Variants in FKBP5 observed in about 807,000 individuals in gnomAD.
The protein encoded by FKBP5 is FKBP prolyl isomerase 5.
A neutral mutation model predicts 50.5 loss-of-function variants in FKBP5; 23 were observed. The observed-to-expected ratio is 0.46, with a 90% CI of 0.33 to 0.65. The LOEUF is 0.65. Ranked by LOEUF, FKBP5 falls within the 30% of genes least tolerant of loss-of-function variation. The probability of loss-of-function intolerance (pLI) is 0.02; values close to 1 mark genes in which losing one functional copy is unlikely to be tolerated. For synonymous variants in FKBP5, 176 were observed against 190.6 expected (o/e 0.92, Z 0.63); for missense variants, 411 against 553.1 (o/e 0.74, Z 2.58).
intron 5 of FKBP5, among the ~76,000 whole-genome samples, chr6:35,618,108 G>A (rs1347502855): frequency 6.6e-6 from 1 of 152,100 alleles, no homozygotes; most frequent in Non-Finnish European, 1.5e-5. Flanking sequence ...TGTAACCCTG[G>A]GCAATTTATT....
intron 1 of FKBP5, among the ~76,000 whole-genome samples, chr6:35,679,405 G>C: frequency 6.6e-6 from 1 of 152,122 alleles, no homozygotes; most frequent in East Asian, 1.9e-4. Flanking sequence ...AGGGGAAAAG[G>C]CCTATTCTGT....
At chr6:35,591,320 C>T in intron 6 of FKBP5, 100 bp from the exon 7 acceptor site, 1 of 742,106 alleles carries the variant, frequency 1.3e-6, no homozygotes, top group South Asian at 1.7e-5. Context: ...CATTTGCAAG[C>T]TACATGTGTC....
At chr6:35,584,007 A>G (rs969513239) in intron 8 of FKBP5, 1 of 985,438 alleles carries the variant, frequency 1.0e-6, no homozygotes, top group African/African-American at 1.7e-5. Context: ...AGGGGGCGCA[A>G]GAATCCCACA....
intron 2 of FKBP5, among the ~76,000 whole-genome samples, chr6:35,639,850 A>G (rs922288920): frequency 6.6e-6 from 1 of 152,224 alleles, no homozygotes; most frequent in African/African-American, 2.4e-5. Context: ...AAAACTCAGC[A>G]TCCTGGTAAT....
chr6:35,668,070 C>T (rs2151003159), intron 1 of FKBP5, among the ~76,000 whole-genome samples: 1 of 152,294 alleles, frequency 6.6e-6, no homozygotes, highest in South Asian at 2.1e-4. Context: ...ATTTTCTTCA[C>T]TAATTTAATT....
intron 1 of FKBP5, among the ~76,000 whole-genome samples, chr6:35,644,904 T>C (rs915515235): frequency 1.3e-5 from 2 of 152,130 alleles, no homozygotes; most frequent in African/African-American, 2.4e-5. Flanking sequence ...GATGCTGACA[T>C]CCATCAATAG....
At position 35,674,655 on chromosome 6, in the gene FKBP5, C is replaced by T. The variant is rs78196957; in HGVS notation, c.-20+14149G>A. 5.0e-3 allele frequency among the ~76,000 whole-genome samples: 759 copies of T among 152,320 alleles called. 15 individuals are homozygous for T. The East Asian group carries it at 0.064, about 13-fold the overall frequency. ...TTGCGGAACCATTCTAAGTGTTTTA[C>T]ATGTATTAACTCATTTAATTCTCTC... On this transcript the variant is annotated intron_variant, in intron 1 of 10. Coordinates refer to ENST00000357266, the MANE Select transcript of FKBP5 (RefSeq NM_004117.4).
At chr6:35,591,369 AC>A (rs943205481) in intron 6 of FKBP5, 149 bp from the exon 7 acceptor site, 24 of 580,548 alleles carry the variant, frequency 4.1e-5, no homozygotes, top group Non-Finnish European at 6.1e-5. Flanking sequence ...ACCAGAAGAT[AC>A]AGTGTGAAGT....
intron 5 of FKBP5, among the ~76,000 whole-genome samples, chr6:35,618,299 G>C (rs1427320216): frequency 6.6e-6 from 1 of 152,156 alleles, no homozygotes; most frequent in Non-Finnish European, 1.5e-5. Context: ...GTTTGTAGAG[G>C]CTGGTAGCAT....
Position 35,722,344 on chromosome 6 carries a change from A to G in FKBP5, c.-240-1796T>C, listed in dbSNP as rs796787379. ...ATGAATGAATGAATGAGCTTTGGAAATAGCATTATATTTAAGTGACTAACT... is the reference window on the plus strand; with the variant it reads ...ATGAATGAATGAATGAGCTTTGGAAGTAGCATTATATTTAAGTGACTAACT... On this transcript the variant is annotated intron_variant, in intron 1 of 11. Transcript: ENST00000536438. 2.0e-5 allele frequency among the ~76,000 whole-genome samples: 3 copies of G among 152,328 alleles called. 1 individual carries two copies. Among genetic ancestry groups the G allele is most frequent in the African/African-American group, 7.2e-5 (3 of 41,568 alleles).
At chr6:35,589,129 T>TATA (rs879865924) in intron 7 of FKBP5, among the ~76,000 whole-genome samples, 1,135 of 102,096 alleles carry the variant, frequency 0.011, 15 homozygotes, top group African/African-American at 0.017. Context: ...TATATATATA[T>TATA]TTTTTTTTTT....
At chr6:35,579,164 ACTCTCTCT>A (rs111398353) in intron 9 of FKBP5, among the ~76,000 whole-genome samples, 2 of 148,020 alleles carry the variant, frequency 1.4e-5, no homozygotes, top group Admixed American at 6.8e-5. Context: ...GCGCGCACAC[ACTCTCTCT>A]CTCTCTCTCT....
At chr6:35,651,817 C>A in intron 1 of FKBP5, 1 of 439,946 alleles carries the variant, frequency 2.3e-6, no homozygotes, top group South Asian at 3.6e-5. Context: ...ATTAAAAATA[C>A]TGTATACTAC....
chr6:35,623,065 A>T lies in FKBP5; in HGVS notation c.251-2791T>A, dbSNP rs1037376928. Reference sequence around the variant, plus strand: ...AAACCATCCTGGCTCACACGGTGAAACCCCATCTCCACTAAAAATACAAAA... The same window carrying T: ...AAACCATCCTGGCTCACACGGTGAATCCCCATCTCCACTAAAAATACAAAA... On this transcript the variant is annotated intron_variant, in intron 3 of 10. Coordinates refer to ENST00000357266, the MANE Select transcript of FKBP5 (RefSeq NM_004117.4). Among the ~76,000 whole-genome samples, 8 of 151,666 alleles carry T rather than the reference A, an allele frequency of 5.3e-5. No homozygotes were observed. In the East Asian group the frequency reaches 1.6e-3, roughly 29 times the overall value.
At chr6:35,576,197 C>G (rs1048562944) in intron 10 of FKBP5, among the ~76,000 whole-genome samples, 1 of 151,988 alleles carries the variant, frequency 6.6e-6, no homozygotes, top group Non-Finnish European at 1.5e-5. Flanking sequence ...ACCAGAATGC[C>G]AACTATGCTG....
chr6:35,723,905 T>C (rs1178172637), intron 1 of FKBP5, among the ~76,000 whole-genome samples: 1 of 152,256 alleles, frequency 6.6e-6, no homozygotes, highest in South Asian at 2.1e-4. Context: ...GGCCCTGTGA[T>C]AGGAAACAAA....
intron 6 of FKBP5, among the ~76,000 whole-genome samples, chr6:35,596,299 A>G (rs1762981217): frequency 6.6e-6 from 1 of 151,946 alleles, no homozygotes; most frequent in Non-Finnish European, 1.5e-5. Context: ...GGTTGCAGTG[A>G]GCCAAGATCA....
At chr6:35,700,200 G>A (rs983620186) in intron 2 of FKBP5, among the ~76,000 whole-genome samples, 41 of 151,912 alleles carry the variant, frequency 2.7e-4, no homozygotes, top group African/African-American at 1.4e-4. Flanking sequence ...TCGCTCTGTC[G>A]TCCAGGCTGG....
chr6:35,713,799 C>T (rs116672321), intron 2 of FKBP5, among the ~76,000 whole-genome samples: 3,697 of 152,302 alleles, frequency 0.024, 145 homozygotes, highest in African/African-American at 0.083. Flanking sequence ...CACACCCTCA[C>T]ATCCTCTCTC....
Sources: allele counts gnomAD v4.1 joint callset (sites outside exome capture counted in the v4.1 genomes callset), GRCh38; gene constraint gnomAD v4.1.1; transcripts MANE v1.5; gene names NCBI Gene and HGNC (gene_info 2026-07-23, HGNC 2026-07-21).